The following SHISA9 variants were observed in gnomAD, a reference collection of about 807,000 sequenced individuals.
The protein encoded by SHISA9 is shisa family member 9.
In SHISA9, 13 loss-of-function variants were observed where a neutral mutation model predicts 38.0. The ratio of observed to expected loss-of-function variants is 0.34; its 90% CI spans 0.22 to 0.54. The LOEUF (loss-of-function observed/expected upper bound fraction) is 0.54. Among genes scored for constraint, SHISA9 ranks in the 20% least tolerant of loss-of-function variants. The pLI is 0.91. For synonymous variants in SHISA9, 275 were observed against 242.0 expected (o/e 1.14, Z -1.27); for missense variants, 538 against 575.8 (o/e 0.93, Z 0.67).
chr16:13,469,427 GAAAGAAAGAGAAAGA>G, the SHISA9 span, among the ~76,000 whole-genome samples: 2 of 121,172 alleles, frequency 1.7e-5, no homozygotes, highest in African/African-American at 6.2e-5. Context: ...GAAAGAAAAA[GAAAGAAAGAGAAAGA>G]AAGAGAAAGA....
chr16:13,470,396 G>A, the SHISA9 span, among the ~76,000 whole-genome samples: 1 of 152,196 alleles, frequency 6.6e-6, no homozygotes. Context: ...CCGAGACTGG[G>A]TAGTTTATGA....
intron 2 of SHISA9, among the ~76,000 whole-genome samples, chr16:13,138,971 G>A (rs937726260): frequency 3.3e-5 from 5 of 152,058 alleles, no homozygotes; most frequent in African/African-American, 9.7e-5. Context: ...GAAGCATTGC[G>A]GGATGGAGGG....
chr16:13,175,927 C>A (rs1395635414), intron 2 of SHISA9, among the ~76,000 whole-genome samples: 2 of 152,114 alleles, frequency 1.3e-5, no homozygotes, highest in Non-Finnish European at 2.9e-5. Context: ...ATTGAGTTGG[C>A]AGAACTGAGA....
chr16:13,223,731 A>T (rs558070324), intron 4 of SHISA9, among the ~76,000 whole-genome samples: 2 of 152,324 alleles, frequency 1.3e-5, no homozygotes, highest in Admixed American at 1.3e-4. Flanking sequence ...GGAGGCCTCA[A>T]AATCATGGTG....
At chr16:13,275,286 T>G in the SHISA9 span, among the ~76,000 whole-genome samples, 1 of 152,122 alleles carries the variant, frequency 6.6e-6, no homozygotes, top group Non-Finnish European at 1.5e-5. Flanking sequence ...CATAGACAAT[T>G]TTGCCTGGAT....
chr16:13,277,650 A>G, the SHISA9 span, among the ~76,000 whole-genome samples: 9 of 151,510 alleles, frequency 5.9e-5, no homozygotes, highest in Admixed American at 4.6e-4. Context: ...GTTTAGGTAT[A>G]TTCCTAAGTT....
At chr16:13,134,866 C>T (rs2050334871) in intron 2 of SHISA9, among the ~76,000 whole-genome samples, 1 of 152,132 alleles carries the variant, frequency 6.6e-6, no homozygotes, top group South Asian at 2.1e-4. Flanking sequence ...GGAATCTATG[C>T]TGAAGGAGCC....
At chr16:13,015,890 CTT>C (rs768484604) in intron 2 of SHISA9, among the ~76,000 whole-genome samples, 3,834 of 117,068 alleles carry the variant, frequency 0.033, 89 homozygotes, top group Non-Finnish European at 0.051. Flanking sequence ...TTCTTTCTTT[CTT>C]TCTTTCTTTC....
chr16:13,447,058 A>G, the SHISA9 span, among the ~76,000 whole-genome samples: 111,431 of 149,842 alleles, frequency 0.74, 41,626 homozygotes, highest in Admixed American at 0.82. Context: ...GAGAGAGAGA[A>G]AGAAAGAATA....
chr16:13,014,123 C>T (rs576949182), intron 2 of SHISA9, among the ~76,000 whole-genome samples: 1 of 152,256 alleles, frequency 6.6e-6, no homozygotes, highest in East Asian at 1.9e-4. Flanking sequence ...GCAAATCCTA[C>T]AAGGCTATTA....
rs1436067249 is a variant in SHISA9 at position 12,908,710 on chromosome 16, A to G, written c.563+6083A>G. The G allele has an allele frequency of 4.1e-6, 6 of 1,478,628 alleles. No homozygotes were observed. The East Asian group carries it at 1.0e-4, about 25-fold the overall frequency. The allele number at this position is 1,478,628 out of a possible 1,614,324, so 91.6% of individuals were successfully genotyped here. On this transcript the variant is annotated intron_variant, in intron 1 of 4. Transcript: ENST00000558583. Reference sequence around the variant, plus strand: ...ACAGCTCATGCATCGGGGCCAGTTCAAGAAGCTACCGTAAGATGAAGTCTA... The same window carrying G: ...ACAGCTCATGCATCGGGGCCAGTTCGAGAAGCTACCGTAAGATGAAGTCTA...
chr16:13,346,927 C>A, the SHISA9 span, among the ~76,000 whole-genome samples: 2 of 152,258 alleles, frequency 1.3e-5, no homozygotes, highest in East Asian at 3.9e-4. Context: ...AAATCCCAAC[C>A]TGTTTCCTAC....
chr16:13,280,847 G>A, the SHISA9 span, among the ~76,000 whole-genome samples: 1 of 151,550 alleles, frequency 6.6e-6, no homozygotes, highest in Non-Finnish European at 1.5e-5. Context: ...CAAAAGACAT[G>A]TGACAAGTAG....
chr16:13,555,929 A>ATATG, the SHISA9 span, among the ~76,000 whole-genome samples: 1 of 152,050 alleles, frequency 6.6e-6, no homozygotes, highest in Admixed American at 6.5e-5. Context: ...CTCAGATCTT[A>ATATG]CTCTATATGC....
chr16:13,418,281 GAA>G, the SHISA9 span, among the ~76,000 whole-genome samples: 3 of 152,234 alleles, frequency 2.0e-5, no homozygotes, highest in Admixed American at 2.0e-4. Flanking sequence ...TGGCATGAAA[GAA>G]TGGCATTTTA....
intron 2 of SHISA9, among the ~76,000 whole-genome samples, chr16:13,083,950 G>T (rs1360752434): frequency 6.6e-6 from 1 of 152,106 alleles, no homozygotes; most frequent in African/African-American, 2.4e-5. Context: ...CAGGATTTGG[G>T]ATTAACTCTA....
the SHISA9 span, among the ~76,000 whole-genome samples, chr16:13,290,582 T>A: frequency 6.6e-6 from 1 of 152,134 alleles, no homozygotes; most frequent in Non-Finnish European, 1.5e-5. Context: ...AACTAAACCA[T>A]TAAGGAAAAT....
the SHISA9 span, among the ~76,000 whole-genome samples, chr16:13,379,872 T>C: frequency 6.6e-6 from 1 of 152,206 alleles, no homozygotes; most frequent in East Asian, 1.9e-4. Flanking sequence ...GCTATCATTA[T>C]AGCTAATATA....
At chr16:12,936,783 C>G (rs117923835) in intron 2 of SHISA9, among the ~76,000 whole-genome samples, 1,566 of 152,308 alleles carry the variant, frequency 0.01, 8 homozygotes, top group East Asian at 0.032. Flanking sequence ...CTACACGAGA[C>G]AAGACTCTAC....
Sources: gnomAD v4.1 joint callset for allele counts (sites outside exome capture counted in the v4.1 genomes callset) on GRCh38, gnomAD v4.1.1 for gene constraint, MANE v1.5 for transcripts, NCBI Gene and HGNC (gene_info 2026-07-23, HGNC 2026-07-21) for gene names.